TM2D1: variants seen among roughly 807,000 people sequenced by gnomAD.
TM2D1 encodes TM2 domain containing 1.
A neutral mutation model predicts 28.4 loss-of-function variants in TM2D1; 15 were observed. The observed-to-expected ratio is 0.53, with a 90% CI of 0.35 to 0.81. TM2D1 has a LOEUF of 0.81. TM2D1 is among the 40% of genes least tolerant of loss of function. The pLI, the probability that TM2D1 is intolerant of heterozygous loss-of-function variation, is 0.01. For synonymous variants in TM2D1, 93 were observed against 96.2 expected (o/e 0.97, Z 0.20); for missense variants, 236 against 254.9 (o/e 0.93, Z 0.50).
chr1:61,717,568 T>C (rs1644531375), intron 2 of TM2D1, among the ~76,000 whole-genome samples: 1 of 151,956 alleles, frequency 6.6e-6, no homozygotes, highest in African/African-American at 2.4e-5. Context: ...GTGTGGTTTT[T>C]TTTGTTTGAC....
intron 3 of TM2D1, among the ~76,000 whole-genome samples, chr1:61,705,238 T>C (rs1200915085): frequency 6.6e-6 from 1 of 152,186 alleles, no homozygotes; most frequent in Non-Finnish European, 1.5e-5. Flanking sequence ...TGGAGTGCAG[T>C]GGCACAATCT....
At chr1:61,690,652 C>G (rs901014370) in intron 5 of TM2D1, among the ~76,000 whole-genome samples, 2 of 152,064 alleles carry the variant, frequency 1.3e-5, no homozygotes. Flanking sequence ...ATACTGCATA[C>G]AGTTTCAAAT....
chr1:61,715,662 A>C (rs1168442441), intron 2 of TM2D1, among the ~76,000 whole-genome samples: 2 of 149,744 alleles, frequency 1.3e-5, no homozygotes, highest in African/African-American at 4.9e-5. Flanking sequence ...AAAAAAAAAA[A>C]AAAAAAAAAA....
intron 4 of TM2D1, among the ~76,000 whole-genome samples, chr1:61,695,019 T>C (rs1193284369): frequency 6.6e-6 from 1 of 152,010 alleles, no homozygotes. Flanking sequence ...GAAAAAAACC[T>C]CAATATAATC....
chr1:61,709,867 G>A lies in TM2D1; in HGVS notation c.239-430C>T, dbSNP rs545385827. On this transcript the variant is annotated intron_variant, in intron 2 of 6. Coordinates refer to ENST00000606498, the MANE Select transcript of TM2D1 (RefSeq NM_032027.3). ...GTTTGTATTTTTAGCATATACCAAC[G>A]CTTATAGATAATTGTTGCCATAAAT... Among the ~76,000 whole-genome samples the A allele has an allele frequency of 7.2e-5, 11 of 152,136 alleles. 1 individual carries two copies. In the South Asian group the frequency reaches 1.7e-3, roughly 23 times the overall value.
At chr1:61,701,310 C>CAAAAAAAAAAAAAAAAAAAA (rs10587870) in intron 3 of TM2D1, among the ~76,000 whole-genome samples, 3 of 84,042 alleles carry the variant, frequency 3.6e-5, no homozygotes, top group Non-Finnish European at 4.4e-5. Context: ...TAAATGTTAA[C>CAAAAAAAAAAAAAAAAAAAA]AAAAAAAAAA....
rs759796747 is a variant in TM2D1 at position 61,715,645 on chromosome 1, CAAAAAAAAAAAAAAA to C, written c.239-6223_239-6209del. 3.0e-3 allele frequency among the ~76,000 whole-genome samples: 49 copies of C among 16,424 alleles called. 1 individual carries two copies. Among genetic ancestry groups the C allele is most frequent in the East Asian group, 7.9e-3 (2 of 254 alleles). The allele number at this position is 16,424 out of a possible 152,430, so 10.8% of individuals were successfully genotyped here. On this transcript the variant is annotated intron_variant, in intron 2 of 6. Coordinates refer to ENST00000606498, the MANE Select transcript of TM2D1 (RefSeq NM_032027.3). ...CCTGGGTGACAGAGCAAGACTGTCT[CAAAAAAAAAAAAAAA>C]AAAAAAAAAAAAAAACAAGAAAGAA...
intron 2 of TM2D1, among the ~76,000 whole-genome samples, chr1:61,715,743 T>C (rs1471533944): frequency 6.7e-6 from 1 of 149,504 alleles, no homozygotes; most frequent in Non-Finnish European, 1.5e-5. Flanking sequence ...AGCATGGTGC[T>C]TGGTTAGAAA....
chr1:61,692,918 A>T (rs1410172107), intron 5 of TM2D1, among the ~76,000 whole-genome samples: 1 of 152,152 alleles, frequency 6.6e-6, no homozygotes, highest in Non-Finnish European at 1.5e-5. Context: ...TCTTAATGTG[A>T]TCGACTCCTA....
intron 2 of TM2D1, among the ~76,000 whole-genome samples, chr1:61,715,720 A>G (rs1195139724): frequency 6.6e-6 from 1 of 151,090 alleles, no homozygotes; most frequent in Non-Finnish European, 1.5e-5. Context: ...AAGAAAAAGC[A>G]TATGTTGTGT....
At chr1:61,704,772 G>C (rs1178847393) in intron 3 of TM2D1, among the ~76,000 whole-genome samples, 1 of 152,056 alleles carries the variant, frequency 6.6e-6, no homozygotes, top group Non-Finnish European at 1.5e-5. Context: ...TTTTAAGAAA[G>C]GAAACAGCCA....
intron 2 of TM2D1, among the ~76,000 whole-genome samples, chr1:61,718,722 T>C (rs932624522): frequency 3.3e-5 from 5 of 152,222 alleles, no homozygotes; most frequent in Admixed American, 1.3e-4. Context: ...TATGTTACTT[T>C]ACAGCGTGGA....
At chr1:61,720,073 G>A (rs1261267582) in intron 2 of TM2D1, among the ~76,000 whole-genome samples, 1 of 152,090 alleles carries the variant, frequency 6.6e-6, no homozygotes, top group African/African-American at 2.4e-5. Flanking sequence ...GCACTTTTCT[G>A]TAAACATACT....
At chr1:61,710,711 A>T (rs957612427) in intron 2 of TM2D1, among the ~76,000 whole-genome samples, 60 of 152,064 alleles carry the variant, frequency 3.9e-4, no homozygotes, top group Admixed American at 1.3e-3. Flanking sequence ...ATATTTTTTT[A>T]AAATAAAACT....
chr1:61,723,883 T>C (rs940755147), intron 1 of TM2D1, 97 bp from the exon 2 acceptor site: 3 of 534,022 alleles, frequency 5.6e-6, no homozygotes, highest in African/African-American at 3.8e-5. Context: ...GATATTCACA[T>C]GTAAATAGAG....
chr1:61,691,949 ATATATATATATG>A, intron 5 of TM2D1, among the ~76,000 whole-genome samples: 1 of 134,970 alleles, frequency 7.4e-6, no homozygotes. Context: ...ATATATATAT[ATATATATATATG>A]TATATATATA....
At chr1:61,715,130 A>T (rs797008842) in intron 2 of TM2D1, among the ~76,000 whole-genome samples, 7 of 152,320 alleles carry the variant, frequency 4.6e-5, no homozygotes, top group African/African-American at 1.7e-4. Context: ...GAGTGAAAAG[A>T]GGATGAACTG....
chr1:61,693,855 T>G (rs567167475), intron 5 of TM2D1, among the ~76,000 whole-genome samples: 36 of 152,340 alleles, frequency 2.4e-4, no homozygotes, highest in Admixed American at 2.4e-3. Context: ...CTTGTTGAAA[T>G]GCTGTTTGTC....
At chr1:61,710,704 T>C (rs545676856) in intron 2 of TM2D1, among the ~76,000 whole-genome samples, 67 of 151,686 alleles carry the variant, frequency 4.4e-4, no homozygotes, top group Non-Finnish European at 8.7e-4. Flanking sequence ...GAATTACATA[T>C]TTTTTTAAAA....
Sources: gnomAD v4.1 joint callset for allele counts (sites outside exome capture counted in the v4.1 genomes callset) on GRCh38, gnomAD v4.1.1 for gene constraint, MANE v1.5 for transcripts, NCBI Gene and HGNC (gene_info 2026-07-23, HGNC 2026-07-21) for gene names.